Variants in CRPPA observed in about 807,000 individuals in gnomAD.
CRPPA encodes the protein D-ribitol-5-phosphate cytidylyltransferase.
CRPPA carries 43 observed loss-of-function variants against 52.0 expected under a neutral mutation model. The ratio of observed to expected loss-of-function variants is 0.83; its 90% CI spans 0.65 to 1.07. The LOEUF (loss-of-function observed/expected upper bound fraction) is 1.07, where lower values mean the gene tolerates loss of function less well. Ranked by LOEUF, CRPPA falls within the 50% of genes least tolerant of loss-of-function variation. The pLI is 0.00. For missense variants in CRPPA, 629 were observed against 551.7 expected (o/e 1.14, Z -1.40); for synonymous variants, 250 against 203.5 (o/e 1.23, Z -1.94).
intron 9 of CRPPA, among the ~76,000 whole-genome samples, chr7:16,167,362 A>G (rs1781090278): frequency 6.6e-6 from 1 of 152,226 alleles, no homozygotes; most frequent in Non-Finnish European, 1.5e-5. Context: ...AACTCTGCAA[A>G]GCTCAGGAAA....
intron 8 of CRPPA, among the ~76,000 whole-genome samples, chr7:16,251,960 G>A (rs1311153932): frequency 6.6e-6 from 1 of 151,988 alleles, no homozygotes; most frequent in Non-Finnish European, 1.5e-5. Context: ...TGAAAAGATT[G>A]AGAAAATAGA....
intron 9 of CRPPA, among the ~76,000 whole-genome samples, chr7:16,196,016 A>C (rs1409589791): frequency 6.6e-6 from 1 of 152,180 alleles, no homozygotes; most frequent in Non-Finnish European, 1.5e-5. Context: ...TCTTAGGATA[A>C]AGTGAAAGCT....
intron 9 of CRPPA, among the ~76,000 whole-genome samples, chr7:16,139,556 T>C (rs1348988637): frequency 1.3e-5 from 2 of 152,160 alleles, no homozygotes; most frequent in South Asian, 2.1e-4. Flanking sequence ...ACTGTGGTTT[T>C]TGTGATTAAT....
intron 2 of CRPPA, among the ~76,000 whole-genome samples, chr7:16,383,379 G>A (rs141077790): frequency 0.01 from 1,525 of 152,262 alleles, 28 homozygotes; most frequent in African/African-American, 0.035. Flanking sequence ...GTACCCGGCC[G>A]TGTGAGGTGT....
At chr7:16,398,583 C>T (rs892952762) in intron 2 of CRPPA, among the ~76,000 whole-genome samples, 1 of 152,154 alleles carries the variant, frequency 6.6e-6, no homozygotes, top group African/African-American at 2.4e-5. Context: ...ACGTGTGGCA[C>T]GTGACTGACG....
intron 3 of CRPPA, among the ~76,000 whole-genome samples, chr7:16,375,708 G>C (rs1786862827): frequency 6.6e-6 from 1 of 152,116 alleles, no homozygotes; most frequent in Non-Finnish European, 1.5e-5. Flanking sequence ...CTGGAAATCT[G>C]GAATTTTTGT....
In CRPPA at chr7:16,367,414, T is replaced by C. The variant is rs185834182; in HGVS notation, c.684+8678A>G. The stretch of plus-strand genomic sequence containing the variant: ...ACTGAAATAAAACTTCTGAGAGTTG[T>C]AATGCTTGGTGAATATAAAGAAAAG... On this transcript the variant is annotated intron_variant, in intron 3 of 9. Transcript: ENST00000407010. Among the ~76,000 whole-genome samples, 12 of 152,330 alleles carry C rather than the reference T, an allele frequency of 7.9e-5. No individual in the cohort carries two copies. In the East Asian group the frequency reaches 2.3e-3, roughly 29 times the overall value.
chr7:16,170,434 T>A (rs1781156480), intron 9 of CRPPA, among the ~76,000 whole-genome samples: 1 of 152,248 alleles, frequency 6.6e-6, no homozygotes, highest in African/African-American at 2.4e-5. Flanking sequence ...AGTTTCTTCC[T>A]TCTGGTGGGT....
At chr7:16,252,542 T>C (rs1342968649) in intron 8 of CRPPA, among the ~76,000 whole-genome samples, 3 of 152,200 alleles carry the variant, frequency 2.0e-5, no homozygotes, top group African/African-American at 7.2e-5. Context: ...TCGTTGTTCA[T>C]CACGGATATT....
At chr7:16,385,267 C>G (rs1255614977) in intron 2 of CRPPA, among the ~76,000 whole-genome samples, 1 of 151,888 alleles carries the variant, frequency 6.6e-6, no homozygotes, top group East Asian at 1.9e-4. Flanking sequence ...GACTGGTAAC[C>G]TCACAAAATA....
At chr7:16,319,022 A>C (rs1262451370) in intron 3 of CRPPA, among the ~76,000 whole-genome samples, 1 of 152,032 alleles carries the variant, frequency 6.6e-6, no homozygotes, top group Non-Finnish European at 1.5e-5. Flanking sequence ...ATCTCAATAT[A>C]CCCTAACACT....
At chr7:16,200,332 C>T (rs1256765174) in intron 9 of CRPPA, among the ~76,000 whole-genome samples, 1 of 152,194 alleles carries the variant, frequency 6.6e-6, no homozygotes, top group Non-Finnish European at 1.5e-5. Flanking sequence ...CATTCTCTCA[C>T]ACCAGAAATT....
intron 2 of CRPPA, among the ~76,000 whole-genome samples, chr7:16,379,203 A>G (rs1053183252): frequency 4.6e-5 from 7 of 152,180 alleles, no homozygotes; most frequent in African/African-American, 1.4e-4. Flanking sequence ...CCTGAATGGT[A>G]ATGCCTAGGT....
intron 9 of CRPPA, among the ~76,000 whole-genome samples, chr7:16,166,318 T>C (rs1368185080): frequency 1.3e-5 from 2 of 152,080 alleles, no homozygotes; most frequent in African/African-American, 4.8e-5. Flanking sequence ...CTTGCTCTGC[T>C]GCCCAGGCTA....
intron 5 of CRPPA, among the ~76,000 whole-genome samples, chr7:16,278,681 T>C (rs907853961): frequency 1.8e-4 from 27 of 152,232 alleles, no homozygotes; most frequent in African/African-American, 6.5e-4. Context: ...ATTGTGTTCC[T>C]TGACATTCCT....
At position 16,117,808 on chromosome 7, in the gene CRPPA, C is replaced by T. The variant is rs148417848; in HGVS notation, c.1252-26009G>A. Among the ~76,000 whole-genome samples, 81 of 152,310 alleles carry T rather than the reference C, an allele frequency of 5.3e-4. No homozygotes were observed. The East Asian group carries it at 0.015, about 28-fold the overall frequency. On this transcript the variant is annotated intron_variant, in intron 9 of 9. Transcript: ENST00000407010. ...ATTCATGCTGCAGTTACTCAGGTTA[C>T]TATTGCCCATACACGTCAGTTCCAG...
At chr7:16,342,865 A>G (rs1210779880) in intron 3 of CRPPA, among the ~76,000 whole-genome samples, 1 of 148,324 alleles carries the variant, frequency 6.7e-6, no homozygotes, top group Non-Finnish European at 1.5e-5. Flanking sequence ...ATAGATATAT[A>G]GAGATATATA....
At chr7:16,239,157 A>AAAAAAAAAAG (rs1783034625) in intron 8 of CRPPA, among the ~76,000 whole-genome samples, 1 of 137,628 alleles carries the variant, frequency 7.3e-6, no homozygotes, top group Non-Finnish European at 1.6e-5. Context: ...AAAAAAAAAA[A>AAAAAAAAAAG]GCCATTTAGA....
At chr7:16,297,365 G>C (rs1283371677) in intron 5 of CRPPA, among the ~76,000 whole-genome samples, 4 of 151,982 alleles carry the variant, frequency 2.6e-5, no homozygotes, top group South Asian at 4.1e-4. Flanking sequence ...TGTTTTAAAA[G>C]GAAAAAAACA....
Sources: gnomAD v4.1 joint callset for allele counts (sites outside exome capture counted in the v4.1 genomes callset) on GRCh38, gnomAD v4.1.1 for gene constraint, MANE v1.5 for transcripts, NCBI Gene and HGNC (gene_info 2026-07-23, HGNC 2026-07-21) for gene names.